FAM227B: variants seen among roughly 807,000 people sequenced by gnomAD.
FAM227B encodes family with sequence similarity 227 member B, also known as protein FAM227B.
In FAM227B, 88 loss-of-function variants were observed where a neutral mutation model predicts 73.8. The ratio of observed to expected loss-of-function variants is 1.19; its 90% confidence interval spans 1.00 to 1.42. FAM227B has a LOEUF of 1.42. Among genes scored for constraint, FAM227B ranks in the 40% most tolerant of loss-of-function variants. FAM227B has a pLI of 0.00. For missense variants in FAM227B, 632 were observed against 590.9 expected (o/e 1.07, Z -0.72); for synonymous variants, 210 against 190.5 (o/e 1.10, Z -0.84).
intron 11 of FAM227B, among the ~76,000 whole-genome samples, chr15:49,421,245 T>C (rs951044912): frequency 6.6e-6 from 1 of 152,196 alleles, no homozygotes; most frequent in Non-Finnish European, 1.5e-5. Flanking sequence ...ATAAGCATAA[T>C]AAGGGCACAG....
At chr15:49,553,020 G>C (rs148297419) in intron 9 of FAM227B, among the ~76,000 whole-genome samples, 2 of 152,242 alleles carry the variant, frequency 1.3e-5, no homozygotes, top group East Asian at 1.9e-4. Flanking sequence ...GTTGATGCCA[G>C]TTGATGTTCT....
chr15:49,570,196 G>C (rs1418703805), intron 8 of FAM227B, among the ~76,000 whole-genome samples: 1 of 151,922 alleles, frequency 6.6e-6, no homozygotes, highest in Non-Finnish European at 1.5e-5. Flanking sequence ...TTTAGTTTTT[G>C]AGAAATCCAT....
chr15:49,569,933 G>T lies in FAM227B; in HGVS notation c.646-1587C>A, dbSNP rs963757647. On this transcript the variant is annotated intron_variant, in intron 8 of 15. Transcript: ENST00000299338. ...CAAAATGTTCTCCAGGTTCATTCAGGTTGTCACAAATGTTAGGATTTCCTT... is the reference window on the plus strand; with the variant it reads ...CAAAATGTTCTCCAGGTTCATTCAGTTTGTCACAAATGTTAGGATTTCCTT... Among the ~76,000 whole-genome samples the T allele has an allele frequency of 1.3e-5, 2 of 152,000 alleles. 1 individual carries two copies. Among genetic ancestry groups the T allele is most frequent in the Non-Finnish European group, 2.9e-5 (2 of 67,858 alleles).
chr15:49,455,598 A>T (rs796475412), intron 11 of FAM227B, among the ~76,000 whole-genome samples: 8 of 152,324 alleles, frequency 5.3e-5, no homozygotes, highest in African/African-American at 1.9e-4. Context: ...TTGGATTTAG[A>T]TAAAAGTCTT....
intron 9 of FAM227B, among the ~76,000 whole-genome samples, chr15:49,545,729 G>A (rs945674691): frequency 1.3e-4 from 20 of 152,072 alleles, no homozygotes; most frequent in Admixed American, 2.0e-4. Context: ...TAAAATTTTC[G>A]TCTTAATTTC....
intron 10 of FAM227B, 97 bp downstream of exon 10, chr15:49,541,583 G>T (rs1180445608): frequency 1.8e-6 from 2 of 1,117,554 alleles, no homozygotes; most frequent in Non-Finnish European, 2.4e-6. Context: ...GTAAGAAAAA[G>T]AACTACCAAT....
At chr15:49,333,821 A>G (rs1023389216) in intron 14 of FAM227B, among the ~76,000 whole-genome samples, 2 of 152,180 alleles carry the variant, frequency 1.3e-5, no homozygotes, top group African/African-American at 4.8e-5. Flanking sequence ...TGTTCTTCCT[A>G]TAGTTTAATT....
intron 11 of FAM227B, among the ~76,000 whole-genome samples, chr15:49,444,963 T>C (rs2052046294): frequency 6.6e-6 from 1 of 151,564 alleles, no homozygotes; most frequent in South Asian, 2.1e-4. Context: ...AGAACAAATA[T>C]TCATGTATTC....
chr15:49,483,082 A>C (rs2056095345), intron 11 of FAM227B: 2 of 851,046 alleles, frequency 2.4e-6, no homozygotes, highest in South Asian at 2.6e-5. Context: ...AATAAGAACA[A>C]ATGGCCATTC....
intron 13 of FAM227B, among the ~76,000 whole-genome samples, chr15:49,359,480 A>G (rs1363048745): frequency 1.7e-5 from 2 of 119,700 alleles, no homozygotes; most frequent in African/African-American, 6.4e-5. Context: ...CAAAAAACAC[A>G]TGAAAAAATG....
intron 11 of FAM227B, among the ~76,000 whole-genome samples, chr15:49,455,231 G>C (rs933072197): frequency 6.6e-6 from 1 of 152,168 alleles, no homozygotes; most frequent in African/African-American, 2.4e-5. Flanking sequence ...CAGGCATTCT[G>C]CTAGGTGGTG....
chr15:49,494,975 T>C (rs986621311), intron 11 of FAM227B, among the ~76,000 whole-genome samples: 2 of 152,196 alleles, frequency 1.3e-5, no homozygotes, highest in African/African-American at 2.4e-5. Flanking sequence ...TGCAAATGAA[T>C]AGAAATATAT....
intron 8 of FAM227B, 200 bp downstream of exon 8, chr15:49,574,811 T>A (rs2075346488): frequency 3.1e-6 from 1 of 324,074 alleles, no homozygotes; most frequent in African/African-American, 2.2e-5. Context: ...AGATCCAGAA[T>A]CTTTTGAAAT....
intron 5 of FAM227B, among the ~76,000 whole-genome samples, chr15:49,578,271 G>A (rs1339805059): frequency 1.3e-5 from 2 of 152,200 alleles, no homozygotes; most frequent in African/African-American, 4.8e-5. Context: ...AACCAATGAA[G>A]GGGCTGACAG....
At chr15:49,348,459 A>T (rs1484028628) in intron 13 of FAM227B, among the ~76,000 whole-genome samples, 2 of 152,208 alleles carry the variant, frequency 1.3e-5, no homozygotes, top group African/African-American at 2.4e-5. Flanking sequence ...CATGTGAGGC[A>T]ACCACCAAAA....
chr15:49,424,310 A>C (rs1284487933), intron 11 of FAM227B: 4 of 1,613,396 alleles, frequency 2.5e-6, no homozygotes, highest in Non-Finnish European at 3.4e-6. Context: ...GCACAAATGG[A>C]TACTGACATG....
At chr15:49,546,795 T>A (rs1434330259) in intron 9 of FAM227B, among the ~76,000 whole-genome samples, 1 of 152,164 alleles carries the variant, frequency 6.6e-6, no homozygotes, top group Non-Finnish European at 1.5e-5. Flanking sequence ...AAAGACCAAA[T>A]CTACGTCTGA....
At chr15:49,473,096 C>T (rs1208083507) in intron 11 of FAM227B, among the ~76,000 whole-genome samples, 2 of 152,036 alleles carry the variant, frequency 1.3e-5, no homozygotes, top group African/African-American at 2.4e-5. Flanking sequence ...CTTTTTTCAA[C>T]TGAATATTTT....
chr15:49,588,988 T>C (rs1420825761), intron 4 of FAM227B, among the ~76,000 whole-genome samples: 1 of 151,978 alleles, frequency 6.6e-6, no homozygotes, highest in African/African-American at 2.4e-5. Flanking sequence ...TAGTATCATT[T>C]CCAAGACTTA....
Sources: allele counts gnomAD v4.1 joint callset (sites outside exome capture counted in the v4.1 genomes callset), GRCh38; gene constraint gnomAD v4.1.1; transcripts MANE v1.5; gene names NCBI Gene and HGNC (gene_info 2026-07-23, HGNC 2026-07-21).